UBAC2: variants seen among roughly 807,000 people sequenced by gnomAD.
UBAC2 encodes ubiquitin-associated domain-containing protein 2.
UBAC2 carries 26 observed loss-of-function variants against 44.0 expected under a neutral mutation model. The ratio of observed to expected loss-of-function variants is 0.59; its 90% confidence interval spans 0.43 to 0.82. The LOEUF (loss-of-function observed/expected upper bound fraction) is 0.82, where lower values mean the gene tolerates loss of function less well. Ranked by LOEUF, UBAC2 falls within the 40% of genes least tolerant of loss-of-function variation. The pLI is 0.00. For missense variants in UBAC2, 329 were observed against 419.4 expected (o/e 0.78, Z 1.88); for synonymous variants, 155 against 154.3 (o/e 1.00, Z -0.04).
At chr13:99,233,239 A>G (rs1359797799) in intron 1 of UBAC2, among the ~76,000 whole-genome samples, 1 of 151,864 alleles carries the variant, frequency 6.6e-6, no homozygotes, top group Non-Finnish European at 1.5e-5. Flanking sequence ...CAGCCTCCCA[A>G]GTAGCTGGGA....
intron 1 of UBAC2, among the ~76,000 whole-genome samples, chr13:99,205,044 T>C (rs1267702826): frequency 6.6e-6 from 1 of 151,634 alleles, no homozygotes; most frequent in Non-Finnish European, 1.5e-5. Flanking sequence ...GCAGGGACTA[T>C]AGGTGTGTGA....
intron 1 of UBAC2, chr13:99,215,318 G>A (rs2042979030): frequency 2.5e-6 from 2 of 801,728 alleles, no homozygotes; most frequent in Admixed American, 3.4e-5. Flanking sequence ...CACCAACACT[G>A]GACAGCTGTT....
chr13:99,214,787 A>C (rs923637999), intron 1 of UBAC2, among the ~76,000 whole-genome samples: 2 of 151,618 alleles, frequency 1.3e-5, no homozygotes, highest in Non-Finnish European at 2.9e-5. Context: ...GGAATAAATA[A>C]ATTTCTTTCC....
intron 7 of UBAC2, among the ~76,000 whole-genome samples, chr13:99,344,782 C>T (rs1248468327): frequency 6.6e-6 from 1 of 152,186 alleles, no homozygotes; most frequent in African/African-American, 2.4e-5. Flanking sequence ...CCTCGTGTGG[C>T]TCTGGGGGCA....
Position 99,271,581 on chromosome 13 carries a change from G to A in UBAC2, c.389+26957G>A, listed in dbSNP as rs114993006. Among the ~76,000 whole-genome samples, 583 of 152,292 alleles carry A rather than the reference G, an allele frequency of 3.8e-3. 3 individuals are homozygous for A. Among genetic ancestry groups the A allele is most frequent in the African/African-American group, 0.013 (550 of 41,554 alleles). On this transcript the variant is annotated intron_variant, in intron 4 of 8. Transcript: ENST00000403766. ...TTGGGAGATGAAGTCATGTTGGCCT[G>A]TGCTTTCTTTTCATTGTTTCCCATT...
chr13:99,225,046 G>A (rs540099047), intron 1 of UBAC2, among the ~76,000 whole-genome samples: 1 of 152,270 alleles, frequency 6.6e-6, no homozygotes, highest in Admixed American at 6.5e-5. Flanking sequence ...TGTATTTTTA[G>A]GGGTTTGTTT....
intron 4 of UBAC2, among the ~76,000 whole-genome samples, chr13:99,294,273 TA>T (rs1043966415): frequency 2.6e-5 from 4 of 152,128 alleles, no homozygotes; most frequent in African/African-American, 9.7e-5. Flanking sequence ...AAACCAATCA[TA>T]TAGGCATGTC....
At chr13:99,201,174 G>C (rs1186437625) in intron 1 of UBAC2, 10 of 1,370,498 alleles carry the variant, frequency 7.3e-6, no homozygotes, top group Non-Finnish European at 8.5e-6. Flanking sequence ...GACCCCACCT[G>C]GTATCCCCAG....
At chr13:99,227,956 A>G (rs952434552) in intron 1 of UBAC2, among the ~76,000 whole-genome samples, 15 of 152,210 alleles carry the variant, frequency 9.9e-5, no homozygotes, top group African/African-American at 3.6e-4. Context: ...ACTAGAGAAA[A>G]TCAGTGGAAA....
chr13:99,279,059 A>C lies in UBAC2; in HGVS notation c.389+34435A>C, dbSNP rs916551678. ...ACTTTAGTCTGCTGTTGTGTAGCCA[A>C]AGCCTTTGGATTTTAAGCTGTTCCC... On this transcript the variant is annotated intron_variant, in intron 4 of 8. Coordinates refer to ENST00000403766, the MANE Select transcript of UBAC2 (RefSeq NM_001144072.2). Among the ~76,000 whole-genome samples, 4 of 152,116 alleles carry C rather than the reference A, an allele frequency of 2.6e-5. No individual in the cohort carries two copies. In the East Asian group the frequency reaches 7.7e-4, roughly 29 times the overall value.
At chr13:99,347,490 G>C (rs1478896435) in intron 7 of UBAC2, among the ~76,000 whole-genome samples, 1 of 151,998 alleles carries the variant, frequency 6.6e-6, no homozygotes, top group African/African-American at 2.4e-5. Context: ...TGTTCTGACT[G>C]GCTGCCCTCA....
At chr13:99,336,903 GC>G (rs1036842550) in intron 6 of UBAC2, among the ~76,000 whole-genome samples, 23 of 151,734 alleles carry the variant, frequency 1.5e-4, no homozygotes, top group African/African-American at 4.8e-4. Flanking sequence ...AGCCCATGGT[GC>G]CCCCCTTCCT....
intron 1 of UBAC2, among the ~76,000 whole-genome samples, chr13:99,222,180 C>T (rs1566453620): frequency 6.6e-6 from 1 of 152,026 alleles, no homozygotes; most frequent in Non-Finnish European, 1.5e-5. Flanking sequence ...ATGAAGGAGA[C>T]GGACAAAGAA....
chr13:99,357,506 G>A (rs1339329584), intron 7 of UBAC2, among the ~76,000 whole-genome samples: 2 of 152,172 alleles, frequency 1.3e-5, no homozygotes, highest in African/African-American at 4.8e-5. Flanking sequence ...CCAGGACAGC[G>A]CACTACGCAT....
chr13:99,280,830 C>CCT (rs36041704), intron 4 of UBAC2, among the ~76,000 whole-genome samples: 1,824 of 109,056 alleles, frequency 0.017, 31 homozygotes, highest in African/African-American at 0.045. Context: ...TTCTTCTTTC[C>CCT]CTCTCTCTCT....
chr13:99,255,076 G>A, intron 4 of UBAC2: 1 of 1,614,056 alleles, frequency 6.2e-7, no homozygotes, highest in East Asian at 2.2e-5. Context: ...GGCTCCCCAG[G>A]GATTGTAACT....
At chr13:99,215,238 T>C in intron 1 of UBAC2, 1 of 642,104 alleles carries the variant, frequency 1.6e-6, no homozygotes, top group South Asian at 1.8e-5. Flanking sequence ...TAATTAAACT[T>C]CCAACTTGCC....
intron 2 of UBAC2, among the ~76,000 whole-genome samples, chr13:99,239,283 T>G (rs1385415296): frequency 1.3e-5 from 2 of 152,242 alleles, no homozygotes; most frequent in Non-Finnish European, 2.9e-5. Context: ...TTATCCGTAT[T>G]ACTGATTTGT....
chr13:99,243,821 T>A lies in UBAC2; in HGVS notation c.160-11T>A, dbSNP rs1236888643. ...CTCTTGTTTATTGTTCTTTTTTAAA[T>A]CCCCATCTAGATTTGGAGGTTGATA... On this transcript the variant is annotated splice_polypyrimidine_tract_variant and intron_variant, in intron 2 of 8. Transcript: ENST00000403766. 7 of 1,556,230 alleles carry A rather than the reference T, an allele frequency of 4.5e-6. No individual in the cohort carries two copies. The highest frequency in any genetic ancestry group is 6.1e-6 in the Non-Finnish European group (7 of 1,150,278).
Sources: gnomAD v4.1 joint callset for allele counts (sites outside exome capture counted in the v4.1 genomes callset) on GRCh38, gnomAD v4.1.1 for gene constraint, MANE v1.5 for transcripts, NCBI Gene and HGNC (gene_info 2026-07-23, HGNC 2026-07-21) for gene names.